Variants in BICRA observed in about 807,000 individuals in gnomAD.
BICRA encodes the protein BRD4 interacting chromatin remodeling complex associated protein.
In BICRA, 31 loss-of-function variants were observed where a neutral mutation model predicts 96.9. That is an observed-to-expected ratio of 0.32 (90% CI 0.24 to 0.43). BICRA has a LOEUF of 0.43. BICRA is among the 20% of genes least tolerant of loss of function. The pLI is 1.00. For synonymous variants in BICRA, 1,350 were observed against 1,071.8 expected, an observed-to-expected ratio of 1.26 and a Z score of -5.07; for missense variants, 2,283 against 2,190.3, an observed-to-expected ratio of 1.04 and a Z score of -0.84.
In BICRA at chr19:47,702,094, C is replaced by T. The variant is rs1346484068; in HGVS notation, c.4362C>T (p.Ser1454=). 14 of 1,516,814 alleles carry T rather than the reference C, an allele frequency of 9.2e-6. No individual in the cohort carries two copies. The highest frequency in any genetic ancestry group is 1.2e-5 in the Non-Finnish European group (14 of 1,140,440). 94.0% of individuals were successfully genotyped at this position (1,516,814 alleles called of 1,614,324 possible). A position where few individuals can be genotyped will look rare whatever the true frequency, so the allele number is the denominator to read the frequency against. ...GCCCCCCGCCAGAGCCCGCAGCCAG[C>T]GCCGCCCAAGGCACCGGGGACCCCG... ...LKGPPPEPAA[S]AAQGTGDPDW... is the part of the protein sequence containing the mutation. The change falls in exon 15 of 15, where the codon AGC becomes AGT. Residue 1454 remains serine, a synonymous_variant. Transcript: ENST00000594866.
Position 47,694,673 on chromosome 19 carries a change from AC to A in BICRA, c.2847del (p.Phe950SerfsTer96). ...PPPRTFQMVT[T>X]PFPALPQPKA... ...TCCTCGGACCTTCCAGATGGTGACC[AC>A]CCCCTTCCCAGCGCTGCCCCAGCCG... On this transcript the variant is annotated frameshift_variant, in exon 8 of 15. Coordinates refer to ENST00000594866, the MANE Select transcript of BICRA (RefSeq NM_001394372.1). LOFTEE classifies it high-confidence loss of function. The A allele has an allele frequency of 6.8e-7, 1 of 1,463,756 alleles. No homozygotes were observed. Among genetic ancestry groups the A allele is most frequent in the Non-Finnish European group, 9.2e-7 (1 of 1,092,816 alleles). The allele number at this position is 1,463,756 out of a possible 1,614,324, so 90.7% of individuals were successfully genotyped here.
At chr19:47,669,103 C>T (rs1972825883) in intron 1 of BICRA, among the ~76,000 whole-genome samples, 1 of 150,744 alleles carries the variant, frequency 6.6e-6, no homozygotes, top group African/African-American at 2.4e-5. Flanking sequence ...GACTCACACA[C>T]ACAAAAAAAT....
intron 1 of BICRA, among the ~76,000 whole-genome samples, chr19:47,657,155 C>T (rs8111183): frequency 0.14 from 22,039 of 152,072 alleles, 1,667 homozygotes; most frequent in South Asian, 0.2. Flanking sequence ...GCCACTGCGC[C>T]GGGCCCATGT....
intron 7 of BICRA, among the ~76,000 whole-genome samples, chr19:47,688,675 G>C (rs1973194756): frequency 6.6e-6 from 1 of 151,990 alleles, no homozygotes; most frequent in African/African-American, 2.4e-5. Flanking sequence ...TGTAATCCCA[G>C]CTACTCAGGA....
At chr19:47,692,248 A>G (rs541002037) in intron 7 of BICRA, among the ~76,000 whole-genome samples, 72 of 150,262 alleles carry the variant, frequency 4.8e-4, no homozygotes, top group African/African-American at 1.7e-3. Flanking sequence ...TTTTTTTGAG[A>G]CGGAGTTTCA....
chr19:47,682,098 T>A lies in BICRA; in HGVS notation c.2229T>A (p.Ala743=). The A allele has an allele frequency of 6.8e-7, 1 of 1,480,302 alleles. No individual in the cohort carries two copies. Among genetic ancestry groups the A allele is most frequent in the Non-Finnish European group, 9.1e-7 (1 of 1,098,882 alleles). The allele number at this position is 1,480,302 out of a possible 1,614,324, so 91.7% of individuals were successfully genotyped here. The change falls in exon 7 of 15, where the codon GCT becomes GCA. Residue 743 remains alanine, a synonymous_variant. Coordinates refer to ENST00000594866, the MANE Select transcript of BICRA (RefSeq NM_001394372.1). ...CAGCCACCCCCGTCGCCAAAGGAGC[T>A]GGCCTCGGCCCTCAGGCCCCCGACA... The part of the protein sequence containing the change: ...PAPATPVAKG[A]GLGPQAPDSQ...
chr19:47,609,167 G>C lies in BICRA; in HGVS notation c.-109G>C, dbSNP rs1971854900. On this transcript the variant is annotated splice_region_variant and 5_prime_UTR_variant, in exon 1 of 15. Coordinates refer to ENST00000594866, the MANE Select transcript of BICRA (RefSeq NM_001394372.1). ...CGCGCCGACGGCTGCTCAAACATCA[G>C]GGTGAGTTTCTCACAATGTAGCAAT... 1.3e-5 allele frequency: 2 copies of C among 150,104 alleles called. No homozygotes were observed. The highest frequency in any genetic ancestry group is 1.3e-4 in the Admixed American group (2 of 15,132). The allele number at this position is 150,104 out of a possible 1,614,324, so 9.3% of individuals were successfully genotyped here.
At chr19:47,629,307 A>T (rs966907812) in intron 1 of BICRA, among the ~76,000 whole-genome samples, 16 of 152,160 alleles carry the variant, frequency 1.1e-4, no homozygotes, top group African/African-American at 3.9e-4. Context: ...CCGGCGTCCA[A>T]CTGAAACTTT....
At position 47,681,288 on chromosome 19, in the gene BICRA, G is replaced by A. The variant is rs1020494886; in HGVS notation, c.2106+12G>A. 7 of 1,542,810 alleles carry A rather than the reference G, an allele frequency of 4.5e-6. No homozygotes were observed. Among genetic ancestry groups the A allele is most frequent in the South Asian group, 1.2e-5 (1 of 84,622 alleles). On this transcript the variant is annotated intron_variant, in intron 6 of 14. Coordinates refer to ENST00000594866, the MANE Select transcript of BICRA (RefSeq NM_001394372.1). ...TGTTCCTGCCCCAGGTAAGCAGGGCGGGGCAAGGGAGCAGGTACCGGAGGA... is the reference window on the plus strand; with the variant it reads ...TGTTCCTGCCCCAGGTAAGCAGGGCAGGGCAAGGGAGCAGGTACCGGAGGA...
chr19:47,634,865 C>T lies in BICRA; in HGVS notation c.-108+25697C>T, dbSNP rs1309507219. 2.0e-5 allele frequency among the ~76,000 whole-genome samples: 3 copies of T among 150,302 alleles called. No individual in the cohort carries two copies. In the East Asian group the frequency reaches 6.0e-4, roughly 30 times the overall value. ...GCAAGCTCTGCTTCCCGGGTTTACG[C>T]CATTCTCCTCCCTCAGCCTCCTGAG... On this transcript the variant is annotated intron_variant, in intron 1 of 14. Coordinates refer to ENST00000594866, the MANE Select transcript of BICRA (RefSeq NM_001394372.1).
intron 1 of BICRA, among the ~76,000 whole-genome samples, chr19:47,655,143 T>C (rs1972595579): frequency 1.3e-5 from 2 of 152,184 alleles, no homozygotes; most frequent in Admixed American, 1.3e-4. Context: ...TGCTTTCTTA[T>C]TCTCTTACTA....
chr19:47,696,324 G>C (rs1384940329), intron 10 of BICRA, 127 bp from the exon 11 acceptor site: 2 of 803,668 alleles, frequency 2.5e-6, no homozygotes, highest in Admixed American at 4.8e-5. Flanking sequence ...TGTAGCTGGG[G>C]CCAGGCCCCC....
At position 47,701,917 on chromosome 19, in the gene BICRA, GGGGGGCCCT is replaced by G; in HGVS notation, c.4188_4196del (p.Gly1397_Gly1399del). 7.0e-7 allele frequency: 1 copy of G among 1,434,906 alleles called. No homozygotes were observed. The highest frequency in any genetic ancestry group is 1.4e-5 in the South Asian group (1 of 72,304). 88.9% of individuals were successfully genotyped at this position (1,434,906 alleles called of 1,614,324 possible). On this transcript the variant is annotated inframe_deletion, in exon 15 of 15. Transcript: ENST00000594866. This position sits in a 1 kb window ranked among gnomAD's most constrained non-coding sequence, Gnocchi z 5.4. ...TGCGCAAGACCTACCGCGAGAACGTGGGGGGCCCTGGCGCGCCGGAGGGGACGCCCGCAG... is the reference window on the plus strand; with the variant it reads ...TGCGCAAGACCTACCGCGAGAACGTGGGCGCGCCGGAGGGGACGCCCGCAG...
intron 9 of BICRA, 23 bp from the exon 10 acceptor site, chr19:47,695,342 T>TCGGGGGGGGCCCCCCCC: frequency 3.2e-6 from 2 of 630,200 alleles, no homozygotes; most frequent in Non-Finnish European, 5.7e-6. Context: ...AGGCCCTGTC[T>TCGGGGGGGGCCCCCCCC]CCCCCACCCC....
chr19:47,669,922 C>T (rs991147687), intron 1 of BICRA, among the ~76,000 whole-genome samples: 1 of 150,488 alleles, frequency 6.6e-6, no homozygotes, highest in East Asian at 2.0e-4. Context: ...TCCCAAAGTG[C>T]TGGGATTACA....
rs116421760 is a variant in BICRA, at chr19:47,666,783, G to A, written c.-107-3660G>A. 4.0e-3 allele frequency among the ~76,000 whole-genome samples: 606 copies of A among 151,830 alleles called. 1 individual carries two copies. Among genetic ancestry groups the A allele is most frequent in the African/African-American group, 0.014 (581 of 41,402 alleles). On this transcript the variant is annotated intron_variant, in intron 1 of 14. Coordinates refer to ENST00000594866, the MANE Select transcript of BICRA (RefSeq NM_001394372.1). Reference sequence around the variant, plus strand: ...AGATGAGATCTTGCTGTGTTGCCTAGGCTGGTTCTCCAACTCCTGAGTTTA... The same window carrying A: ...AGATGAGATCTTGCTGTGTTGCCTAAGCTGGTTCTCCAACTCCTGAGTTTA...
At chr19:47,682,316 C>A (rs371676306) in intron 7 of BICRA, among the ~76,000 whole-genome samples, 164 bp downstream of exon 7, 1 of 152,206 alleles carries the variant, frequency 6.6e-6, no homozygotes, top group South Asian at 2.1e-4. Flanking sequence ...ATCATGGATG[C>A]CTGAGACCAG....
At chr19:47,692,366 A>C (rs1029375692) in intron 7 of BICRA, among the ~76,000 whole-genome samples, 1 of 152,090 alleles carries the variant, frequency 6.6e-6, no homozygotes, top group East Asian at 1.9e-4. Flanking sequence ...AACTGGGATT[A>C]CAGGTGCATG....
At chr19:47,696,638 A>G in intron 11 of BICRA, 126 bp downstream of exon 11, 1 of 794,812 alleles carries the variant, frequency 1.3e-6, no homozygotes. Flanking sequence ...ACCTCTTGGT[A>G]GCGATGTAGT....
Sources: gnomAD v4.1 joint callset for allele counts (sites outside exome capture counted in the v4.1 genomes callset) on GRCh38, gnomAD v4.1.1 for gene constraint, Gnocchi (gnomAD v3.1) non-coding constraint, MANE v1.5 for transcripts, NCBI Gene and HGNC (gene_info 2026-07-23, HGNC 2026-07-21) for gene names.